MED13: variants seen among roughly 807,000 people sequenced by gnomAD.
MED13 encodes mediator complex subunit 13.
Under a neutral mutation model 225.2 loss-of-function variants are expected in MED13, and 23 were observed. The observed-to-expected ratio is 0.10, with a 90% confidence interval of 0.07 to 0.14. MED13 has a LOEUF of 0.14. Ranked by LOEUF, MED13 falls within the 10% of genes least tolerant of loss-of-function variation. The pLI is 1.00. For synonymous variants in MED13, 942 were observed against 889.2 expected, an observed-to-expected ratio of 1.06 and a Z score of -1.06; for missense variants, 2,197 against 2,594.5, an observed-to-expected ratio of 0.85 and a Z score of 3.33.
At chr17:62,007,975 C>T (rs1473660573) in intron 9 of MED13, among the ~76,000 whole-genome samples, 3 of 142,768 alleles carry the variant, frequency 2.1e-5, no homozygotes, top group African/African-American at 5.3e-5. Context: ...GCCGAGATCA[C>T]GCCACTGCAC....
chr17:61,964,925 G>A, intron 20 of MED13, 81 bp downstream of exon 20: 8 of 1,337,536 alleles, frequency 6.0e-6, no homozygotes, highest in Non-Finnish European at 7.1e-6. Flanking sequence ...AAAAGAGTGA[G>A]ACTGTGTCTC....
chr17:61,971,750 G>A (rs558030648), intron 17 of MED13, among the ~76,000 whole-genome samples: 11 of 152,000 alleles, frequency 7.2e-5, no homozygotes, highest in African/African-American at 1.2e-4. Context: ...CCCGGCCAAC[G>A]TGATGAAACC....
At chr17:62,001,379 T>C (rs889476408) in intron 9 of MED13, among the ~76,000 whole-genome samples, 1 of 152,174 alleles carries the variant, frequency 6.6e-6, no homozygotes, top group East Asian at 1.9e-4. Flanking sequence ...CTATATGAGT[T>C]GTCCAAACTG....
intron 27 of MED13, among the ~76,000 whole-genome samples, chr17:61,952,182 C>T (rs758426881): frequency 6.6e-6 from 1 of 151,944 alleles, no homozygotes; most frequent in African/African-American, 2.4e-5. Flanking sequence ...CGTGAGCCAC[C>T]GCGCCCAGCC....
chr17:61,949,101 G>C (rs1603389666), intron 28 of MED13, among the ~76,000 whole-genome samples: 1 of 150,492 alleles, frequency 6.6e-6, no homozygotes, highest in African/African-American at 2.4e-5. Context: ...AAAAAAAAAA[G>C]AATAAGTGAG....
intron 8 of MED13, among the ~76,000 whole-genome samples, chr17:62,015,983 T>A (rs1364453050): frequency 6.8e-5 from 4 of 58,912 alleles, no homozygotes; most frequent in East Asian, 4.6e-4. Flanking sequence ...TTTTTTTTTT[T>A]AGTAGAGACC....
intron 8 of MED13, among the ~76,000 whole-genome samples, chr17:62,024,774 G>A (rs1481611086): frequency 1.3e-5 from 2 of 152,184 alleles, no homozygotes; most frequent in African/African-American, 4.8e-5. Flanking sequence ...TTATAAGTGA[G>A]AACAGGCAAT....
At chr17:61,985,634 G>A (rs1219027384) in intron 12 of MED13, among the ~76,000 whole-genome samples, 1 of 152,118 alleles carries the variant, frequency 6.6e-6, no homozygotes, top group Admixed American at 6.5e-5. Context: ...CTGCACCACT[G>A]CACTCCAGCA....
intron 26 of MED13, among the ~76,000 whole-genome samples, chr17:61,954,299 C>T (rs1264241711): frequency 1.2e-4 from 19 of 152,158 alleles, no homozygotes; most frequent in Admixed American, 1.2e-3. Context: ...ATTTTCTCTT[C>T]TACTAAAATG....
chr17:62,021,504 G>A (rs9892513), intron 8 of MED13, among the ~76,000 whole-genome samples: 5,237 of 151,530 alleles, frequency 0.035, 270 homozygotes, highest in African/African-American at 0.12. Flanking sequence ...GGGCAGAGGC[G>A]CCCCTCACCT....
At chr17:62,061,344 C>G (rs1362969623) in intron 2 of MED13, among the ~76,000 whole-genome samples, 1 of 151,218 alleles carries the variant, frequency 6.6e-6, no homozygotes, top group Non-Finnish European at 1.5e-5. Context: ...CACAGCAAGA[C>G]CCCATCTCTA....
intron 28 of MED13, among the ~76,000 whole-genome samples, chr17:61,949,032 G>A (rs1333618463): frequency 6.7e-6 from 1 of 149,986 alleles, no homozygotes; most frequent in African/African-American, 2.4e-5. Context: ...AGCTTGCAGT[G>A]AGCCGAGATC....
Position 62,035,353 on chromosome 17 carries a change from T to C in MED13, c.616+110A>G, listed in dbSNP as rs1415798827. On this transcript the variant is annotated intron_variant, in intron 4 of 29. Transcript: ENST00000397786. ...AAAGTAAATGACATCAAAATCATCA[T>C]TAGGCTAAAGATCAGGGGGAATTCC... The C allele has an allele frequency of 1.2e-5, 11 of 938,408 alleles. No individual in the cohort carries two copies. The East Asian group carries it at 2.4e-4, about 21-fold the overall frequency. The allele number at this position is 938,408 out of a possible 1,614,324, so 58.1% of individuals were successfully genotyped here.
At position 62,020,732 on chromosome 17, in the gene MED13, G is replaced by A. The variant is rs566657855; in HGVS notation, c.1283+8809C>T. Among the ~76,000 whole-genome samples the A allele has an allele frequency of 2.0e-3, 283 of 143,994 alleles. 2 individuals carry two copies. The highest frequency in any genetic ancestry group is 7.1e-3 in the African/African-American group (273 of 38,480). The allele number at this position is 143,994 out of a possible 152,430, so 94.5% of individuals were successfully genotyped here. A position where few individuals can be genotyped will look rare whatever the true frequency, so the allele number is the denominator to read the frequency against. ...AATTGATCATTCTTGGGTGTTTCTCGCAGAGGGGTATTTGGCAGGGTCATA... is the reference window on the plus strand; with the variant it reads ...AATTGATCATTCTTGGGTGTTTCTCACAGAGGGGTATTTGGCAGGGTCATA... On this transcript the variant is annotated intron_variant, in intron 8 of 29. Transcript: ENST00000397786.
At chr17:62,007,792 G>A (rs1430320409) in intron 9 of MED13, among the ~76,000 whole-genome samples, 2 of 152,084 alleles carry the variant, frequency 1.3e-5, no homozygotes, top group Non-Finnish European at 2.9e-5. Context: ...AACTTGCAGT[G>A]AGCCAAGATC....
intron 12 of MED13, among the ~76,000 whole-genome samples, chr17:61,985,778 T>G (rs1319050429): frequency 6.6e-6 from 1 of 152,246 alleles, no homozygotes; most frequent in Non-Finnish European, 1.5e-5. Context: ...TCTCCTTAAG[T>G]TGAACACATT....
chr17:61,982,554 C>T lies in MED13; in HGVS notation c.3449G>A (p.Gly1150Glu). Reference protein sequence around the residue: ...LFLEDELDIIGRNTDCGKEAE... With the variant: ...LFLEDELDIIERNTDCGKEAE... ...TTCTTTGCCACAGTCTGTATTGCGT[C>T]CTATGATATCTAGTTCATCTTCAAG... Residue 1150 changes from glycine (G) to glutamate (E), a missense_variant, in exon 16 of 30, where the codon GGA becomes GAA. Coordinates refer to ENST00000397786, the MANE Select transcript of MED13 (RefSeq NM_005121.3). 1 of 1,614,192 alleles carries T rather than the reference C, an allele frequency of 6.2e-7. No individual in the cohort carries two copies. Among genetic ancestry groups the T allele is most frequent in the Non-Finnish European group, 8.5e-7 (1 of 1,180,036 alleles).
intron 9 of MED13, among the ~76,000 whole-genome samples, chr17:61,997,243 C>T (rs2080354649): frequency 6.6e-6 from 1 of 152,172 alleles, no homozygotes; most frequent in Non-Finnish European, 1.5e-5. Context: ...TCTAAACATG[C>T]TATCAAATGC....
chr17:61,982,624 T>C lies in MED13; in HGVS notation c.3379A>G (p.Ser1127Gly). ...EAQYRCTCGF[S>G]AVMNRKFGNN... ...CCAAATTTTCTGTTCATGACAGCAC[T>C]GAAGCCACAGGTACACCTATATTGT... Residue 1127 changes from serine to glycine, a missense_variant, in exon 16 of 30, where the codon AGT becomes GGT. Transcript: ENST00000397786. 1 of 1,614,244 alleles carries C rather than the reference T, an allele frequency of 6.2e-7. No homozygotes were observed. The highest frequency in any genetic ancestry group is 8.5e-7 in the Non-Finnish European group (1 of 1,180,034).
Sources: allele counts gnomAD v4.1 joint callset (sites outside exome capture counted in the v4.1 genomes callset), GRCh38; gene constraint gnomAD v4.1.1; transcripts MANE v1.5; gene names NCBI Gene and HGNC (gene_info 2026-07-23, HGNC 2026-07-21).